The following RP1 variants were observed in gnomAD, a reference collection of about 807,000 sequenced individuals.
The protein encoded by RP1 is oxygen-regulated protein 1.
RP1 carries 16 observed loss-of-function variants against 14.8 expected under a neutral mutation model. That is an observed-to-expected ratio of 1.08 (90% confidence interval 0.73 to 1.65). The LOEUF (loss-of-function observed/expected upper bound fraction) is 1.65. Among genes scored for constraint, RP1 ranks in the 40% most tolerant of loss-of-function variants. RP1 has a pLI of 0.00. For missense variants in RP1, 2,631 were observed against 2,535.0 expected (o/e 1.04, Z -0.81); for synonymous variants, 876 against 883.6 (o/e 0.99, Z 0.15).
intron 7 of RP1, among the ~76,000 whole-genome samples, chr8:54,666,541 C>G (rs1438642992): frequency 1.3e-5 from 2 of 151,980 alleles, no homozygotes; most frequent in Non-Finnish European, 2.9e-5. Flanking sequence ...CAGGGAGAAG[C>G]TGGAGACTTG....
chr8:54,583,007 A>G (rs1282980575), intron 1 of RP1, among the ~76,000 whole-genome samples: 5 of 152,128 alleles, frequency 3.3e-5, no homozygotes, highest in Non-Finnish European at 7.3e-5. Context: ...CTCCTGCCTG[A>G]TTGCCCTGGC....
At chr8:54,578,527 G>A (rs777627520) in intron 1 of RP1, among the ~76,000 whole-genome samples, 8 of 152,080 alleles carry the variant, frequency 5.3e-5, no homozygotes, top group Non-Finnish European at 1.0e-4. Flanking sequence ...AAGAATATTA[G>A]TTGACAAAAA....
intron 1 of RP1, among the ~76,000 whole-genome samples, chr8:54,586,261 A>G (rs934675735): frequency 6.6e-6 from 1 of 152,096 alleles, no homozygotes; most frequent in African/African-American, 2.4e-5. Flanking sequence ...CTGGAGGTCC[A>G]CTCCAGACCC....
At chr8:54,588,013 T>C (rs1326053260) in intron 1 of RP1, among the ~76,000 whole-genome samples, 1 of 152,226 alleles carries the variant, frequency 6.6e-6, no homozygotes, top group Non-Finnish European at 1.5e-5. Flanking sequence ...TCCCATCATG[T>C]TGCCTTATGT....
rs559807729 is a variant in RP1 at position 54,837,497 on chromosome 8, T to C, written c.3663T>C (p.His1221=). The C allele has an allele frequency of 1.4e-5, 17 of 1,231,736 alleles. No homozygotes were observed. The Admixed American group carries it at 2.5e-4, about 18-fold the overall frequency. 76.3% of individuals were successfully genotyped at this position (1,231,736 alleles called of 1,614,324 possible). ...AAATCTATAAAATACGTATTGGACA[T>C]GACAACACTGGAAAGAATCCCAGGT... Residue 1221 remains histidine (H), a synonymous_variant, in exon 25 of 29, where the codon CAT becomes CAC. Transcript: ENST00000637698.
Position 54,628,076 on chromosome 8 carries a change from C to G in RP1, c.4194C>G (p.Ser1398=), listed in dbSNP as rs111678480. ...VSHQNVSNLS[S]CGLCLSEKEA... is the part of the protein sequence containing the mutation. ...ATCAAAATGTCAGTAATTTAAGCTC[C>G]TGTGGCCTTTGCCTAAGTGAAAAAG... is the stretch of plus-strand genomic sequence containing the variant. Residue 1398 remains serine, a synonymous_variant, in exon 4 of 4, where the codon TCC becomes TCG. Transcript: ENST00000220676. 3.1e-6 allele frequency: 5 copies of G among 1,614,026 alleles called. No individual in the cohort carries two copies. Among genetic ancestry groups the G allele is most frequent in the Middle Eastern group, 1.6e-4 (1 of 6,062 alleles).
chr8:54,613,702 G>A (rs759626961), upstream of RP1, among the ~76,000 whole-genome samples: 4 of 152,156 alleles, frequency 2.6e-5, no homozygotes, highest in Non-Finnish European at 5.9e-5. Context: ...AGTGTGGAAG[G>A]AAGGGACAGA....
intron 23 of RP1, among the ~76,000 whole-genome samples, chr8:54,782,175 A>G (rs1810204983): frequency 6.6e-6 from 1 of 152,144 alleles, no homozygotes; most frequent in Non-Finnish European, 1.5e-5. Flanking sequence ...CATGTTTCTT[A>G]TTTTCCCACA....
rs764959789 is a variant in RP1, at chr8:54,629,269, C to T, written c.5387C>T (p.Thr1796Met). Residue 1796 changes from threonine (T) to methionine (M), a missense_variant, in exon 4 of 4, where the codon ACG (threonine) becomes ATG (methionine). Thr to Met is a moderately conservative substitution (Grantham distance 81). Transcript: ENST00000220676. ...TTTGGTAATTTGGCCCCAGGCCCAA[C>T]GATGGATGAACTCTCCTCTTCAGAA... ...SHFGNLAPGPTMDELSSSELE... is the reference protein window; with the variant it reads ...SHFGNLAPGPMMDELSSSELE... The T allele has an allele frequency of 1.9e-5, 31 of 1,613,752 alleles. 1 individual carries two copies. The highest frequency in any genetic ancestry group is 1.6e-4 in the Middle Eastern group (1 of 6,062).
chr8:54,567,624 G>A (rs1186737030), intron 1 of RP1, among the ~76,000 whole-genome samples: 1 of 143,438 alleles, frequency 7.0e-6, no homozygotes, highest in Admixed American at 7.1e-5. Flanking sequence ...CACTTTGTAG[G>A]TTCAGGGAAA....
At chr8:54,838,587 G>A (rs140391217) in intron 25 of RP1, among the ~76,000 whole-genome samples, 4 of 152,238 alleles carry the variant, frequency 2.6e-5, no homozygotes, top group East Asian at 1.9e-4. Flanking sequence ...ATGTATGTGC[G>A]TGACTGAATG....
chr8:54,680,196 G>T (rs931353612), intron 12 of RP1, among the ~76,000 whole-genome samples: 9 of 152,124 alleles, frequency 5.9e-5, no homozygotes, highest in Non-Finnish European at 1.3e-4. Flanking sequence ...AAAACACCAT[G>T]TTAAATAATT....
chr8:54,846,763 A>G (rs1811929761), intron 25 of RP1, among the ~76,000 whole-genome samples: 1 of 152,008 alleles, frequency 6.6e-6, no homozygotes, highest in Non-Finnish European at 1.5e-5. Context: ...TATCATCCTC[A>G]TGTCTGAAGG....
chr8:54,562,409 T>C (rs1425631223), intron 1 of RP1, among the ~76,000 whole-genome samples: 2 of 152,194 alleles, frequency 1.3e-5, no homozygotes, highest in Non-Finnish European at 2.9e-5. Flanking sequence ...TTAAGTAGGC[T>C]GGGTGTGGTG....
chr8:54,740,275 C>T (rs922190423), intron 19 of RP1, among the ~76,000 whole-genome samples: 1 of 150,688 alleles, frequency 6.6e-6, no homozygotes, highest in Admixed American at 6.6e-5. Flanking sequence ...CATGTTGTTC[C>T]CCTGAATATC....
chr8:54,729,107 T>C (rs1808730292), intron 17 of RP1, among the ~76,000 whole-genome samples: 1 of 152,218 alleles, frequency 6.6e-6, no homozygotes. Context: ...TCAAACCGAA[T>C]ATAAAAAGAG....
At chr8:54,691,933 A>T (rs1466480423) in intron 12 of RP1, among the ~76,000 whole-genome samples, 1 of 152,006 alleles carries the variant, frequency 6.6e-6, no homozygotes, top group African/African-American at 2.4e-5. Context: ...GTCATTTAGC[A>T]TTAGGTATAT....
chr8:54,813,354 C>T (rs1011775838), intron 24 of RP1, among the ~76,000 whole-genome samples: 1 of 152,182 alleles, frequency 6.6e-6, no homozygotes, highest in Non-Finnish European at 1.5e-5. Context: ...CCTAGACACC[C>T]AGGGATGCAC....
At chr8:54,792,727 C>T (rs1810496749) in intron 24 of RP1, among the ~76,000 whole-genome samples, 1 of 151,608 alleles carries the variant, frequency 6.6e-6, no homozygotes, top group Non-Finnish European at 1.5e-5. Flanking sequence ...TAAATGGCTA[C>T]ATTATGAAAC....
Sources: gnomAD v4.1 joint callset for allele counts (sites outside exome capture counted in the v4.1 genomes callset) on GRCh38, gnomAD v4.1.1 for gene constraint, MANE v1.5 for transcripts, NCBI Gene and HGNC (gene_info 2026-07-23, HGNC 2026-07-21) for gene names.